Variants in ATP6V0B observed in about 807,000 individuals in gnomAD.
The protein encoded by ATP6V0B is V-type proton ATPase 21 kDa proteolipid subunit c''.
ATP6V0B carries 4 observed loss-of-function variants against 26.2 expected under a neutral mutation model. The observed-to-expected ratio is 0.15, with a 90% confidence interval of 0.08 to 0.35. ATP6V0B has a LOEUF of 0.35. ATP6V0B is among the 10% of genes least tolerant of loss of function. The pLI is 1.00. For synonymous variants in ATP6V0B, 110 were observed against 105.8 expected, an observed-to-expected ratio of 1.04 and a Z score of -0.24; for missense variants, 175 against 272.5, an observed-to-expected ratio of 0.64 and a Z score of 2.52.
chr1:43,976,397 T>C lies in ATP6V0B; in HGVS notation c.278+18T>C. 1 of 1,603,574 alleles carries C rather than the reference T, an allele frequency of 6.2e-7. No individual in the cohort carries two copies. Reference sequence around the variant, plus strand: ...CTGGTCAGGTAAGTGTCAGGGTCCTTGGACTTTTGTCAGAACCAGCTGTGT... The same window carrying C: ...CTGGTCAGGTAAGTGTCAGGGTCCTCGGACTTTTGTCAGAACCAGCTGTGT... On this transcript the variant is annotated intron_variant, in intron 4 of 7. Transcript: ENST00000472174. The surrounding 1 kb of genome is among the most constrained non-coding windows in gnomAD (Gnocchi z 4.6).
At position 43,975,046 on chromosome 1, in the gene ATP6V0B, G is replaced by A; in HGVS notation, c.6G>A (p.Thr2=). Reference sequence around the variant, plus strand: ...CCCCCGCCGCCGTCGCCGCCATGACGGGGCTAGCACTGCTCTACTCCGGGG... The same window carrying A: ...CCCCCGCCGCCGTCGCCGCCATGACAGGGCTAGCACTGCTCTACTCCGGGG... M[T]GLALLYSGVF... is the part of the protein sequence containing the mutation. The change falls in exon 1 of 8, where the codon ACG becomes ACA. Residue 2 remains threonine (T), a synonymous_variant. Transcript: ENST00000472174. 7.9e-7 allele frequency: 1 copy of A among 1,271,020 alleles called. No individual in the cohort carries two copies. Among genetic ancestry groups the A allele is most frequent in the Non-Finnish European group, 1.0e-6 (1 of 1,003,720 alleles). The allele number at this position is 1,271,020 out of a possible 1,614,324, so 78.7% of individuals were successfully genotyped here.
In ATP6V0B at chr1:43,977,067, A is replaced by G. The variant is rs1421658436; in HGVS notation, c.442A>G (p.Asn148Asp). 3.7e-6 allele frequency: 6 copies of G among 1,613,080 alleles called. No homozygotes were observed. Among genetic ancestry groups the G allele is most frequent in the East Asian group, 2.2e-5 (1 of 44,848 alleles). The stretch of plus-strand genomic sequence containing the variant: ...GGCTGGCCTCACCGTAGGCCTGTCT[A>G]ACCTCTTCTGTGGAGTCTGCGTGGG... ...FGAGLTVGLS[N>D]LFCGVCVGIV... The change falls in exon 7 of 8, where the codon AAC (asparagine) becomes GAC (aspartate). Residue 148 changes from asparagine (N) to aspartate (D), a missense_variant. Asn to Asp is a conservative substitution (Grantham distance 23, BLOSUM62 1). Around this residue, in one of 3 missense-constraint regions of ATP6V0B, gnomAD observed 97 missense variants for 158.0 expected, o/e 0.61. Coordinates refer to ENST00000472174, the MANE Select transcript of ATP6V0B (RefSeq NM_004047.5).
Position 43,976,502 on chromosome 1 carries a change from T to G in ATP6V0B, c.279-88T>G, listed in dbSNP as rs949301134. 1.9e-6 allele frequency: 3 copies of G among 1,561,318 alleles called. No homozygotes were observed. The highest frequency in any genetic ancestry group is 1.8e-6 in the Non-Finnish European group (2 of 1,134,342). ...GGATGGGATGTTATAGGGGAAAGATTGCTGGGGACTTACTGGGCAGGAAGG... is the reference window on the plus strand; with the variant it reads ...GGATGGGATGTTATAGGGGAAAGATGGCTGGGGACTTACTGGGCAGGAAGG... On this transcript the variant is annotated intron_variant, in intron 4 of 7. Coordinates refer to ENST00000472174, the MANE Select transcript of ATP6V0B (RefSeq NM_004047.5). The surrounding 1 kb of genome is among the most constrained non-coding windows in gnomAD (Gnocchi z 4.6).
In ATP6V0B at chr1:43,976,899, G is replaced by C; in HGVS notation, c.400+75G>C. Reference sequence around the variant, plus strand: ...TCCACTCTCCCCCATCCCAGCTTGGGCCATCATTTTGATATTCTCTCACCT... The same window carrying C: ...TCCACTCTCCCCCATCCCAGCTTGGCCCATCATTTTGATATTCTCTCACCT... On this transcript the variant is annotated intron_variant, in intron 6 of 7. Coordinates refer to ENST00000472174, the MANE Select transcript of ATP6V0B (RefSeq NM_004047.5). The surrounding 1 kb of genome is among the most constrained non-coding windows in gnomAD (Gnocchi z 4.6). The C allele has an allele frequency of 1.2e-6, 2 of 1,605,960 alleles. No homozygotes were observed. The highest frequency in any genetic ancestry group is 2.2e-5 in the South Asian group (2 of 90,888).
rs1191900270 is a variant in ATP6V0B at position 43,977,019 on chromosome 1, C to G, written c.401-7C>G. 6.2e-7 allele frequency: 1 copy of G among 1,602,386 alleles called. No individual in the cohort carries two copies. Among genetic ancestry groups the G allele is most frequent in the South Asian group, 1.1e-5 (1 of 90,180 alleles). On this transcript the variant is annotated splice_polypyrimidine_tract_variant and splice_region_variant and intron_variant, in intron 6 of 7. Transcript: ENST00000472174. ...TAGCCTCACTGCACCCCTCTCTATC[C>G]TCCCAGGCTACTCCATGTTTGGGGC...
rs917733288 is a variant in ATP6V0B, at chr1:43,976,793, C to A, written c.369C>A (p.Pro123=). The A allele has an allele frequency of 2.5e-6, 4 of 1,614,128 alleles. No individual in the cohort carries two copies. Among genetic ancestry groups the A allele is most frequent in the Non-Finnish European group, 3.4e-6 (4 of 1,180,062 alleles). Reference sequence around the variant, plus strand: ...CTCAGCCTTTCAGTGCCACAGACCCCAAGGCCATCGGCCATCGGAACTACC... The same window carrying A: ...CTCAGCCTTTCAGTGCCACAGACCCAAAGGCCATCGGCCATCGGAACTACC... ...NMAEPFSATD[P]KAIGHRNYHA... The change falls in exon 6 of 8, where the codon CCC becomes CCA. Residue 123 remains proline, a synonymous_variant. Transcript: ENST00000472174. This position sits in a 1 kb window ranked among gnomAD's most constrained non-coding sequence, Gnocchi z 4.6.
chr1:43,975,181 GC>G, intron 1 of ATP6V0B, 74 bp downstream of exon 1: 11 of 1,398,406 alleles, frequency 7.9e-6, no homozygotes, highest in Non-Finnish European at 7.5e-6. Context: ...CGGGGAAGTG[GC>G]CTGCGGGGAA....
Position 43,977,150 on chromosome 1 carries a change from G to C in ATP6V0B, c.525G>C (p.Lys175Asn), listed in dbSNP as rs201547760. The C allele has an allele frequency of 6.2e-7, 1 of 1,614,146 alleles. No homozygotes were observed. Among genetic ancestry groups the C allele is most frequent in the African/African-American group, 1.3e-5 (1 of 74,946 alleles). The change falls in exon 7 of 8, where the codon AAG becomes AAC. Residue 175 changes from lysine (K) to asparagine (N), a missense_variant. This residue lies in a region of ATP6V0B where 97 missense variants were observed against 158.0 expected (regional missense o/e 0.61). Coordinates refer to ENST00000472174, the MANE Select transcript of ATP6V0B (RefSeq NM_004047.5). ...ADAQNPSLFVKILIVEIFGSA... is the reference protein window; with the variant it reads ...ADAQNPSLFVNILIVEIFGSA... ...CTCAGAACCCCAGCCTCTTTGTAAA[G>C]ATTCTCATCGTGGAGATCTTTGGCA... is the stretch of plus-strand genomic sequence containing the variant.
At position 43,975,018 on chromosome 1, in the gene ATP6V0B, C is replaced by A; in HGVS notation, c.-23C>A. 7.9e-7 allele frequency: 1 copy of A among 1,265,930 alleles called. No homozygotes were observed. 78.4% of individuals were successfully genotyped at this position (1,265,930 alleles called of 1,614,324 possible). ...GTTTGTAGCTCCGGCCCCGCCGTTC[C>A]GACCCCCGCCGCCGTCGCCGCCATG... On this transcript the variant is annotated 5_prime_UTR_variant, in exon 1 of 8. Coordinates refer to ENST00000472174, the MANE Select transcript of ATP6V0B (RefSeq NM_004047.5).
Position 43,977,558 on chromosome 1 carries a change from C to T in ATP6V0B, c.591+342C>T, listed in dbSNP as rs575084395. On this transcript the variant is annotated intron_variant, in intron 7 of 7. Coordinates refer to ENST00000472174, the MANE Select transcript of ATP6V0B (RefSeq NM_004047.5). Reference sequence around the variant, plus strand: ...GATCTAGACTAGAATGGAATTTTGTCTGTCTATATCAGTCTGTCATGGTGT... The same window carrying T: ...GATCTAGACTAGAATGGAATTTTGTTTGTCTATATCAGTCTGTCATGGTGT... 4.2e-5 allele frequency: 59 copies of T among 1,421,388 alleles called. No homozygotes were observed. In the South Asian group the frequency reaches 8.7e-4, roughly 21 times the overall value. 88.0% of individuals were successfully genotyped at this position (1,421,388 alleles called of 1,614,324 possible).
chr1:43,975,942 C>G lies in ATP6V0B; in HGVS notation c.116+94C>G, dbSNP rs557054363. 5 of 1,510,294 alleles carry G rather than the reference C, an allele frequency of 3.3e-6. No homozygotes were observed. The Admixed American group carries it at 8.7e-5, about 26-fold the overall frequency. The allele number at this position is 1,510,294 out of a possible 1,614,324, so 93.6% of individuals were successfully genotyped here. The stretch of plus-strand genomic sequence containing the variant: ...CTGAGTCCCTCCCCCACACCACTGC[C>G]TGCCTGGGACATGGACCTTTGGGAA... On this transcript the variant is annotated intron_variant, in intron 2 of 7. Coordinates refer to ENST00000472174, the MANE Select transcript of ATP6V0B (RefSeq NM_004047.5).
rs1172059515 is a variant in ATP6V0B at position 43,974,960 on chromosome 1, A to G, written c.-81A>G. ...AGGTGACGCTGCGGGGCGGGCGGAC[A>G]GACTGCGGGACGGACGGTGGACGCT... On this transcript the variant is annotated 5_prime_UTR_variant, in exon 1 of 8. Coordinates refer to ENST00000472174, the MANE Select transcript of ATP6V0B (RefSeq NM_004047.5). 2 of 1,102,644 alleles carry G rather than the reference A, an allele frequency of 1.8e-6. No individual in the cohort carries two copies. The highest frequency in any genetic ancestry group is 2.3e-6 in the Non-Finnish European group (2 of 860,682). The allele number at this position is 1,102,644 out of a possible 1,614,324, so 68.3% of individuals were successfully genotyped here. A position where few individuals can be genotyped will look rare whatever the true frequency, so the allele number is the denominator to read the frequency against.
intron 7 of ATP6V0B, 137 bp from the exon 8 acceptor site, chr1:43,977,844 G>GT: frequency 6.3e-7 from 1 of 1,597,142 alleles, no homozygotes; most frequent in Non-Finnish European, 8.5e-7. Context: ...GTCTGTCACA[G>GT]TGTGTCCATC....
In ATP6V0B at chr1:43,975,761, A is replaced by T. The variant is rs781261703; in HGVS notation, c.68-39A>T. 1.3e-5 allele frequency: 21 copies of T among 1,586,804 alleles called. No individual in the cohort carries two copies. In the Admixed American group the frequency reaches 3.6e-4, roughly 27 times the overall value. ...TAGGTTGAAGAACTTCTCTCTACCG[A>T]GCAGCCCGTAACCCCCTTTTTCTCC... On this transcript the variant is annotated intron_variant, in intron 1 of 7. Transcript: ENST00000472174.
chr1:43,975,905 C>T (rs2085514540), intron 2 of ATP6V0B, 57 bp downstream of exon 2: 2 of 1,541,842 alleles, frequency 1.3e-6, no homozygotes, highest in Admixed American at 3.7e-5. Context: ...AGCCTCTCTT[C>T]TTTTCTCTGG....
intron 1 of ATP6V0B, chr1:43,975,383 T>TC (rs1280468345): frequency 5.3e-6 from 3 of 561,224 alleles, no homozygotes; most frequent in South Asian, 2.1e-5. Flanking sequence ...CTCACTGCTG[T>TC]CCCCCCTTTC....
intron 7 of ATP6V0B, 99 bp from the exon 8 acceptor site, chr1:43,977,882 T>C (rs1182977117): frequency 3.1e-6 from 5 of 1,613,290 alleles, no homozygotes; most frequent in Non-Finnish European, 4.2e-6. Flanking sequence ...TCTTGTGGTC[T>C]GTCCATCCAA....
chr1:43,976,929 T>C lies in ATP6V0B; in HGVS notation c.401-97T>C. ...CATTTTGATATTCTCTCACCTACTT[T>C]TTCTGCTTTGCAGAGTGGGGATGGT... On this transcript the variant is annotated intron_variant, in intron 6 of 7. Transcript: ENST00000472174. The surrounding 1 kb of genome is among the most constrained non-coding windows in gnomAD (Gnocchi z 4.6). 1.9e-6 allele frequency: 3 copies of C among 1,602,408 alleles called. No homozygotes were observed. The South Asian group carries it at 3.3e-5, about 18-fold the overall frequency.
Position 43,978,064 on chromosome 1 carries a change from A to G in ATP6V0B, c.*57A>G. On this transcript the variant is annotated 3_prime_UTR_variant, in exon 8 of 8. Transcript: ENST00000472174. Reference sequence around the variant, plus strand: ...TTTATTTATTGCTGGTTTTCCTGGGACAGCTGGAGCTGTGTCCCTTAGCCT... The same window carrying G: ...TTTATTTATTGCTGGTTTTCCTGGGGCAGCTGGAGCTGTGTCCCTTAGCCT... 2.5e-6 allele frequency: 4 copies of G among 1,612,326 alleles called. No homozygotes were observed. The highest frequency in any genetic ancestry group is 3.4e-6 in the Non-Finnish European group (4 of 1,178,500).
Sources: gnomAD v4.1 joint callset for allele counts on GRCh38, gnomAD v4.1.1 for gene constraint, gnomAD v4.1.1 regional missense constraint, Gnocchi (gnomAD v3.1) non-coding constraint, MANE v1.5 for transcripts, NCBI Gene and HGNC (gene_info 2026-07-23, HGNC 2026-07-21) for gene names.